The following RGS3 variants were observed in gnomAD, a reference collection of about 807,000 sequenced individuals.
RGS3 encodes the protein regulator of G-protein signalling 3.
A neutral mutation model predicts 132.6 loss-of-function variants in RGS3; 80 were observed. That is an observed-to-expected ratio of 0.60 (90% CI 0.50 to 0.73). The LOEUF (loss-of-function observed/expected upper bound fraction) is 0.73, where lower values mean the gene tolerates loss of function less well. Ranked by LOEUF, RGS3 falls within the 30% of genes least tolerant of loss-of-function variation. The probability of loss-of-function intolerance (pLI) is 0.00; values close to 1 mark genes in which losing one functional copy is unlikely to be tolerated. For missense variants in RGS3, 1,382 were observed against 1,530.8 expected (o/e 0.90, Z 1.62); for synonymous variants, 598 against 620.6 (o/e 0.96, Z 0.54).
intron 19 of RGS3, among the ~76,000 whole-genome samples, chr9:113,559,075 A>T (rs1343218048): frequency 6.6e-6 from 1 of 152,208 alleles, no homozygotes; most frequent in Non-Finnish European, 1.5e-5. Flanking sequence ...CTTTGTTTTG[A>T]TGGCTTGGGC....
intron 3 of RGS3, among the ~76,000 whole-genome samples, chr9:113,474,114 A>G (rs545549317): frequency 6.0e-4 from 92 of 152,344 alleles, no homozygotes; most frequent in Admixed American, 2.4e-3. Context: ...ATGCTGAAAA[A>G]TAGAATTTCT....
intron 21 of RGS3, chr9:113,593,884 T>A: frequency 6.4e-7 from 1 of 1,562,596 alleles, no homozygotes. Flanking sequence ...ATTTGCTGAC[T>A]TGTCCCCCAC....
chr9:113,455,026 C>G (rs1315958452), intron 1 of RGS3, among the ~76,000 whole-genome samples: 2 of 152,108 alleles, frequency 1.3e-5, no homozygotes, highest in Non-Finnish European at 2.9e-5. Flanking sequence ...GGTACTCTGC[C>G]TTGGAACTCT....
chr9:113,482,964 C>T (rs762932861), intron 4 of RGS3, 95 bp from the exon 3 acceptor site: 26 of 1,599,754 alleles, frequency 1.6e-5, no homozygotes, highest in African/African-American at 2.7e-5. Flanking sequence ...TCTCTTTATT[C>T]GTGTGGATGG....
intron 7 of RGS3, among the ~76,000 whole-genome samples, chr9:113,488,628 G>T (rs1427097934): frequency 6.6e-6 from 1 of 152,194 alleles, no homozygotes; most frequent in African/African-American, 2.4e-5. Context: ...AGAAAATGAG[G>T]CCAGGGAAAG....
intron 1 of RGS3, among the ~76,000 whole-genome samples, chr9:113,448,406 T>C (rs527984511): frequency 1.2e-3 from 189 of 152,330 alleles, no homozygotes; most frequent in Non-Finnish European, 1.6e-3. Context: ...TAATGAACCA[T>C]GTCCTCTCTT....
At chr9:113,531,501 T>G (rs540733259) in intron 18 of RGS3, among the ~76,000 whole-genome samples, 1 of 152,318 alleles carries the variant, frequency 6.6e-6, no homozygotes, top group South Asian at 2.1e-4. Flanking sequence ...GCACAGAGCC[T>G]GGCACACAGT....
chr9:113,450,150 A>T (rs1588124473), intron 1 of RGS3, among the ~76,000 whole-genome samples: 1 of 150,042 alleles, frequency 6.7e-6, no homozygotes, highest in African/African-American at 2.5e-5. Context: ...GCTCACTGCA[A>T]CCTCGCCTCC....
At position 113,479,039 on chromosome 9, in the gene RGS3, A is replaced by G. The variant is rs145897792; in HGVS notation, c.416-452A>G. ...TGTGTGCACGTGCTTGTGTTTGTCTACGACAGTGACCTGGAATGAAGACTT... is the reference window on the plus strand; with the variant it reads ...TGTGTGCACGTGCTTGTGTTTGTCTGCGACAGTGACCTGGAATGAAGACTT... On this transcript the variant is annotated intron_variant, in intron 3 of 24. Coordinates refer to ENST00000350696, the Ensembl canonical transcript of RGS3. 6 of 178,158 alleles carry G rather than the reference A, an allele frequency of 3.4e-5. No homozygotes were observed. In the East Asian group the frequency reaches 9.1e-4, roughly 27 times the overall value. 11.0% of individuals were successfully genotyped at this position (178,158 alleles called of 1,614,324 possible).
At chr9:113,597,541 C>T (rs149002291) in exon 25 of RGS3, 7 of 152,818 alleles carry the variant, frequency 4.6e-5, no homozygotes, top group African/African-American at 1.7e-4. Context: ...ATATGCTCGT[C>T]CCGGGCACCG....
rs1436605571 is a variant in RGS3, at chr9:113,589,199, G to C, written c.3016-2134G>C. 2.6e-5 allele frequency: 4 copies of C among 152,284 alleles called. No homozygotes were observed. The East Asian group carries it at 7.7e-4, about 29-fold the overall frequency. 9.4% of individuals were successfully genotyped at this position (152,284 alleles called of 1,614,324 possible). ...GGAGGGCCTTTGCAGACTAGGCCCT[G>C]GGCAGGCATTGATGCAGCTGTGGGA... On this transcript the variant is annotated intron_variant, in intron 20 of 24. Coordinates refer to ENST00000350696, the Ensembl canonical transcript of RGS3.
At chr9:113,538,766 A>G (rs1473243153) in intron 19 of RGS3, among the ~76,000 whole-genome samples, 1 of 152,194 alleles carries the variant, frequency 6.6e-6, no homozygotes, top group African/African-American at 2.4e-5. Flanking sequence ...CGCGTGTTCC[A>G]TGGAGAAGCT....
intron 18 of RGS3, among the ~76,000 whole-genome samples, chr9:113,531,474 T>G (rs1406031513): frequency 1.3e-5 from 2 of 152,134 alleles, no homozygotes; most frequent in African/African-American, 4.8e-5. Context: ...CAATAAGACT[T>G]GCATCCAAAG....
At chr9:113,561,938 T>C (rs1389176066) in intron 19 of RGS3, among the ~76,000 whole-genome samples, 1 of 152,162 alleles carries the variant, frequency 6.6e-6, no homozygotes, top group Non-Finnish European at 1.5e-5. Context: ...CTGCTGAACC[T>C]CGCTGGTCCT....
At chr9:113,516,438 A>G (rs187292574) in intron 15 of RGS3, among the ~76,000 whole-genome samples, 1 of 149,658 alleles carries the variant, frequency 6.7e-6, no homozygotes, top group African/African-American at 2.5e-5. Context: ...GCTCACTGCA[A>G]CCTCCACCTC....
intron 6 of RGS3, among the ~76,000 whole-genome samples, chr9:113,485,351 A>C (rs1830300065): frequency 6.6e-6 from 1 of 152,138 alleles, no homozygotes; most frequent in African/African-American, 2.4e-5. Context: ...TGTCTCCCAA[A>C]GTGCTGGGAT....
At chr9:113,521,700 A>G (rs1342108277) in intron 16 of RGS3, among the ~76,000 whole-genome samples, 1 of 152,206 alleles carries the variant, frequency 6.6e-6, no homozygotes, top group East Asian at 1.9e-4. Flanking sequence ...TGCTGCTGAG[A>G]ACATCCTCAT....
intron 3 of RGS3, chr9:113,462,270 A>ATG (rs1829494013): frequency 5.8e-6 from 4 of 690,056 alleles, no homozygotes; most frequent in Middle Eastern, 4.7e-4. Flanking sequence ...AGTGTTCACC[A>ATG]TGTGTGTGTG....
chr9:113,446,514 C>T (rs559581089), intron 1 of RGS3, among the ~76,000 whole-genome samples: 23 of 152,262 alleles, frequency 1.5e-4, no homozygotes, highest in African/African-American at 5.3e-4. Flanking sequence ...ATTTCTGAGG[C>T]CAGTGTCCCC....
Sources: allele counts gnomAD v4.1 joint callset (sites outside exome capture counted in the v4.1 genomes callset), GRCh38; gene constraint gnomAD v4.1.1; transcripts MANE v1.5; gene names NCBI Gene and HGNC (gene_info 2026-07-23, HGNC 2026-07-21).